The following FAM178B variants were observed in gnomAD, a reference collection of about 807,000 sequenced individuals.
The protein encoded by FAM178B is family with sequence similarity 178 member B, also known as protein FAM178B.
A neutral mutation model predicts 91.7 loss-of-function variants in FAM178B; 82 were observed. The ratio of observed to expected loss-of-function variants is 0.89; its 90% CI spans 0.75 to 1.07. The LOEUF (loss-of-function observed/expected upper bound fraction) is 1.07. FAM178B is among the 50% of genes least tolerant of loss of function. FAM178B has a pLI of 0.00. For synonymous variants in FAM178B, 368 were observed against 359.4 expected (o/e 1.02, Z -0.27); for missense variants, 769 against 846.7 (o/e 0.91, Z 1.14).
chr2:96,973,584 T>A (rs2082252123), intron 1 of FAM178B, among the ~76,000 whole-genome samples: 5 of 152,132 alleles, frequency 3.3e-5, no homozygotes, highest in Admixed American at 3.3e-4. Context: ...ATAAAGAGTC[T>A]AATGATCAAA....
At chr2:96,974,019 TAATA>T (rs1366452046) in intron 1 of FAM178B, among the ~76,000 whole-genome samples, 30 of 150,694 alleles carry the variant, frequency 2.0e-4, no homozygotes, top group Non-Finnish European at 5.9e-5. Context: ...CATAAATAAA[TAATA>T]AATAAATAAA....
chr2:96,894,947 G>C (rs577818919), intron 13 of FAM178B: 2 of 777,290 alleles, frequency 2.6e-6, no homozygotes, highest in African/African-American at 3.8e-5. Flanking sequence ...CTGCCGCTCT[G>C]CATCTGTGGG....
intron 10 of FAM178B, among the ~76,000 whole-genome samples, chr2:96,921,901 A>G (rs2081347480): frequency 6.6e-6 from 1 of 152,106 alleles, no homozygotes; most frequent in African/African-American, 2.4e-5. Flanking sequence ...GGGCTGGGTA[A>G]AACAAGGCTG....
chr2:96,978,480 G>C (rs2082319985), intron 1 of FAM178B, among the ~76,000 whole-genome samples: 1 of 152,086 alleles, frequency 6.6e-6, no homozygotes, highest in South Asian at 2.1e-4. Context: ...AGTGTCTGTG[G>C]CTTCCTTCTG....
intron 13 of FAM178B, among the ~76,000 whole-genome samples, chr2:96,898,724 G>C (rs955522538): frequency 5.3e-5 from 8 of 152,174 alleles, no homozygotes; most frequent in Non-Finnish European, 7.3e-5. Context: ...GTAAAATATG[G>C]ATGACAGTAA....
chr2:96,986,217 G>C, intron 1 of FAM178B, 24 bp downstream of exon 1: 1 of 1,534,400 alleles, frequency 6.5e-7, no homozygotes, highest in Non-Finnish European at 8.7e-7. Flanking sequence ...CGCCCCTGCG[G>C]TTCCTCGGCC....
intron 8 of FAM178B, among the ~76,000 whole-genome samples, chr2:96,935,640 A>G (rs1346702256): frequency 6.8e-6 from 1 of 146,486 alleles, no homozygotes; most frequent in Non-Finnish European, 1.5e-5. Flanking sequence ...TTCAGGTTTT[A>G]ATTTTTGTTT....
intron 5 of FAM178B, among the ~76,000 whole-genome samples, chr2:96,967,296 C>T (rs986533536): frequency 6.6e-6 from 1 of 152,156 alleles, no homozygotes; most frequent in Non-Finnish European, 1.5e-5. Flanking sequence ...TTTTATGATC[C>T]CTGTGTGGCA....
chr2:96,909,344 A>G (rs2081112082), intron 12 of FAM178B, among the ~76,000 whole-genome samples: 1 of 152,128 alleles, frequency 6.6e-6, no homozygotes, highest in Non-Finnish European at 1.5e-5. Context: ...ATATTTTGCC[A>G]AAACCTGCCC....
At position 96,922,852 on chromosome 2, in the gene FAM178B, T is replaced by C. The variant is rs115822900; in HGVS notation, c.1287+638A>G. Among the ~76,000 whole-genome samples, 191 of 152,000 alleles carry C rather than the reference T, an allele frequency of 1.3e-3. 1 individual carries two copies. Among genetic ancestry groups the C allele is most frequent in the African/African-American group, 3.6e-3 (150 of 41,394 alleles). On this transcript the variant is annotated intron_variant, in intron 10 of 16. Transcript: ENST00000490605. Reference sequence around the variant, plus strand: ...CCACGCCTGGCTAATTTTTGTAGTTTGTGTAGAGACGGGGTTTTGCCATGT... The same window carrying C: ...CCACGCCTGGCTAATTTTTGTAGTTCGTGTAGAGACGGGGTTTTGCCATGT...
rs147359741 is a variant in FAM178B at position 96,898,916 on chromosome 2, C to T, written c.1650+3704G>A. 2.7e-3 allele frequency among the ~76,000 whole-genome samples: 406 copies of T among 152,302 alleles called. 2 individuals carry two copies. Among genetic ancestry groups the T allele is most frequent in the African/African-American group, 9.3e-3 (386 of 41,550 alleles). The stretch of plus-strand genomic sequence containing the variant: ...GGCAGGCAGGGCCTGTGAGGAGGCC[C>T]GATGAGAACATGCAGCACTGGCAAG... On this transcript the variant is annotated intron_variant, in intron 13 of 16. Transcript: ENST00000490605.
chr2:96,882,471 G>T (rs181712728), intron 14 of FAM178B, among the ~76,000 whole-genome samples: 1 of 152,360 alleles, frequency 6.6e-6, no homozygotes, highest in Admixed American at 6.5e-5. Flanking sequence ...GACAAGAAGG[G>T]CCAGGTGTGA....
At chr2:96,915,799 G>A (rs1166256365) in intron 12 of FAM178B, among the ~76,000 whole-genome samples, 3 of 149,168 alleles carry the variant, frequency 2.0e-5, no homozygotes, top group Non-Finnish European at 4.4e-5. Flanking sequence ...CTGGGCGACA[G>A]AGTGGGAAAA....
Position 96,897,012 on chromosome 2 carries a change from G to A in FAM178B, c.1651-2961C>T, listed in dbSNP as rs377755557. ...CTCCCGAGTAGCTGGGATTACAGGC[G>A]GCCACCACCACGTCCAGCTAATTTT... On this transcript the variant is annotated intron_variant, in intron 13 of 16. Transcript: ENST00000490605. Among the ~76,000 whole-genome samples the A allele has an allele frequency of 3.3e-5, 5 of 152,086 alleles. 1 individual carries two copies. The South Asian group carries it at 6.2e-4, about 19-fold the overall frequency.
chr2:96,882,534 G>A (rs545343310), intron 14 of FAM178B, among the ~76,000 whole-genome samples: 1 of 152,216 alleles, frequency 6.6e-6, no homozygotes, highest in Non-Finnish European at 1.5e-5. Context: ...AACTTAGCAA[G>A]CCTGCTCCTG....
At chr2:96,893,214 T>C (rs945545377) in intron 14 of FAM178B, among the ~76,000 whole-genome samples, 1 of 151,888 alleles carries the variant, frequency 6.6e-6, no homozygotes, top group Non-Finnish European at 1.5e-5. Flanking sequence ...GGCAGCAGAG[T>C]ACATCGAGGT....
At chr2:96,895,301 T>A (rs2080799913) in intron 13 of FAM178B, 3 of 364,288 alleles carry the variant, frequency 8.2e-6, no homozygotes, top group Non-Finnish European at 1.6e-5. Context: ...TGTGTTCAGT[T>A]TTCTCTGTCT....
intron 8 of FAM178B, among the ~76,000 whole-genome samples, chr2:96,943,690 C>T (rs1348235784): frequency 6.6e-6 from 1 of 152,138 alleles, no homozygotes; most frequent in African/African-American, 2.4e-5. Context: ...CCTGCAATGG[C>T]CCCCACTATC....
intron 14 of FAM178B, among the ~76,000 whole-genome samples, chr2:96,884,883 C>T (rs1217296059): frequency 6.6e-6 from 1 of 152,236 alleles, no homozygotes; most frequent in African/African-American, 2.4e-5. Context: ...GGACAGGTCG[C>T]CGGTCATAAG....
Sources: gnomAD v4.1 joint callset for allele counts (sites outside exome capture counted in the v4.1 genomes callset) on GRCh38, gnomAD v4.1.1 for gene constraint, MANE v1.5 for transcripts, NCBI Gene and HGNC (gene_info 2026-07-23, HGNC 2026-07-21) for gene names.